Variants in PCDHA3 observed in about 807,000 individuals in gnomAD.
PCDHA3 encodes the protein protocadherin alpha 3.
PCDHA3 carries 41 observed loss-of-function variants against 62.2 expected under a neutral mutation model. The ratio of observed to expected loss-of-function variants is 0.66; its 90% CI spans 0.51 to 0.86. PCDHA3 has a LOEUF of 0.86. Ranked by LOEUF, PCDHA3 falls within the 40% of genes least tolerant of loss-of-function variation. PCDHA3 has a pLI of 0.00. For missense variants in PCDHA3, 1,304 were observed against 1,241.2 expected (o/e 1.05, Z -0.76); for synonymous variants, 640 against 555.4 (o/e 1.15, Z -2.14).
At chr5:140,985,104 AT>A (rs2097137151) in intron 3 of PCDHA3, among the ~76,000 whole-genome samples, 1 of 151,914 alleles carries the variant, frequency 6.6e-6, no homozygotes, top group African/African-American at 2.4e-5. Context: ...AGCCTGGCTA[AT>A]TTTTTGTGTT....
intron 1 of PCDHA3, among the ~76,000 whole-genome samples, chr5:140,970,860 C>T (rs2096438853): frequency 6.6e-6 from 1 of 152,054 alleles, no homozygotes; most frequent in Non-Finnish European, 1.5e-5. Context: ...AAGTTCCATT[C>T]CTGATTGAGA....
chr5:140,936,134 C>A (rs782197390), intron 1 of PCDHA3, among the ~76,000 whole-genome samples: 1 of 152,176 alleles, frequency 6.6e-6, no homozygotes, highest in Non-Finnish European at 1.5e-5. Context: ...CTTAAGTGAT[C>A]TGCCCGCCTT....
At chr5:140,915,572 C>A (rs2077180575) in intron 1 of PCDHA3, among the ~76,000 whole-genome samples, 1 of 151,988 alleles carries the variant, frequency 6.6e-6, no homozygotes, top group Non-Finnish European at 1.5e-5. Flanking sequence ...ATCTGGATTG[C>A]CAGGCAAAAG....
chr5:140,916,492 C>T (rs1310558218), intron 1 of PCDHA3, among the ~76,000 whole-genome samples: 2 of 152,170 alleles, frequency 1.3e-5, no homozygotes, highest in Admixed American at 6.5e-5. Context: ...GCTCTTTAGT[C>T]AGCAGGTGAT....
intron 1 of PCDHA3, among the ~76,000 whole-genome samples, chr5:140,886,770 G>A (rs1554182701): frequency 6.8e-6 from 1 of 146,884 alleles, no homozygotes; most frequent in Non-Finnish European, 1.5e-5. Context: ...AGGTTGCAGT[G>A]AGATGAGATC....
rs2150483101 is a variant in PCDHA3, at chr5:140,850,412, A to T, written c.2394+46821A>T. 3.6e-5 allele frequency: 57 copies of T among 1,597,620 alleles called. No homozygotes were observed. The South Asian group carries it at 6.3e-4, about 18-fold the overall frequency. On this transcript the variant is annotated intron_variant, in intron 1 of 3. Transcript: ENST00000522353. ...TCAGCACAACGCGTGCCCTGGACGA[A>T]ACGGACGCACCGCGCCAGCGCCTAC...
chr5:140,836,277 A>G (rs1774327794), intron 1 of PCDHA3: 1 of 1,613,670 alleles, frequency 6.2e-7, no homozygotes, highest in Non-Finnish European at 8.5e-7. Context: ...TGGTGAGATC[A>G]GCACGACACG....
intron 1 of PCDHA3, among the ~76,000 whole-genome samples, chr5:140,910,513 A>G (rs1293675976): frequency 2.0e-5 from 3 of 152,184 alleles, no homozygotes; most frequent in Non-Finnish European, 4.4e-5. Flanking sequence ...CTCTTCAAGG[A>G]TGCAGGTACT....
At chr5:140,960,299 A>G (rs246005) in intron 1 of PCDHA3, among the ~76,000 whole-genome samples, 1 of 151,808 alleles carries the variant, frequency 6.6e-6, no homozygotes. Flanking sequence ...TTTCTTCATC[A>G]ATACCAACCT....
At chr5:140,966,695 CGGGCGTGGGGCACGGCT>C (rs2096039584) in intron 1 of PCDHA3, 1 of 1,358,374 alleles carries the variant, frequency 7.4e-7, no homozygotes. Flanking sequence ...AGGCGGGGCC[CGGGCGTGGGGCACGGCT>C]GGGGAAGCTG....
At chr5:140,897,381 T>C (rs1258843270) in intron 1 of PCDHA3, among the ~76,000 whole-genome samples, 1 of 136,686 alleles carries the variant, frequency 7.3e-6, no homozygotes, top group Non-Finnish European at 1.5e-5. Flanking sequence ...CCCTTCCCCT[T>C]CCTGTGTCCA....
intron 3 of PCDHA3, among the ~76,000 whole-genome samples, chr5:140,985,932 G>A (rs1554247524): frequency 6.6e-6 from 1 of 151,798 alleles, no homozygotes; most frequent in African/African-American, 2.4e-5. Flanking sequence ...GTAGAGCCGG[G>A]GTTTCACTGT....
At chr5:140,962,077 G>T (rs2095655013) in intron 1 of PCDHA3, among the ~76,000 whole-genome samples, 1 of 151,866 alleles carries the variant, frequency 6.6e-6, no homozygotes, top group South Asian at 2.1e-4. Flanking sequence ...AGTAGAGACG[G>T]GGTTTCACCA....
intron 1 of PCDHA3, among the ~76,000 whole-genome samples, chr5:140,900,299 GAC>G (rs1372785177): frequency 6.6e-6 from 1 of 151,604 alleles, no homozygotes; most frequent in Non-Finnish European, 1.5e-5. Flanking sequence ...TGTTTTTTTA[GAC>G]AGTCTCACTT....
In PCDHA3 at chr5:140,808,546, G is replaced by A. The variant is rs1581694212; in HGVS notation, c.2394+4955G>A. 4 of 1,614,120 alleles carry A rather than the reference G, an allele frequency of 2.5e-6. No homozygotes were observed. In the African/African-American group the frequency reaches 4.0e-5, roughly 16 times the overall value. ...TGGCTGATGTGAACGACAACGCTCC[G>A]GCGTTCGCGCAGCCCGAGTACACAG... On this transcript the variant is annotated intron_variant, in intron 1 of 3. Transcript: ENST00000522353.
chr5:140,808,817 C>T, intron 1 of PCDHA3: 3 of 1,612,850 alleles, frequency 1.9e-6, no homozygotes, highest in Non-Finnish European at 1.7e-6. Context: ...CGGCGTGCCA[C>T]CTCTGGGCAG....
intron 1 of PCDHA3, chr5:140,804,934 T>A: frequency 1.7e-6 from 2 of 1,152,230 alleles, no homozygotes. Flanking sequence ...GCACTATCCT[T>A]TGTTGCTCCC....
At chr5:140,874,554 TTC>T (rs2054993631) in intron 1 of PCDHA3, among the ~76,000 whole-genome samples, 1 of 152,236 alleles carries the variant, frequency 6.6e-6, no homozygotes, top group African/African-American at 2.4e-5. Flanking sequence ...TAAGAGATCT[TTC>T]GCATTTTAGT....
intron 1 of PCDHA3, chr5:140,877,376 G>A: frequency 6.2e-7 from 1 of 1,614,014 alleles, no homozygotes; most frequent in Non-Finnish European, 8.5e-7. Context: ...AGCACGACAC[G>A]CATCCTGGAT....
Sources: gnomAD v4.1 joint callset for allele counts (sites outside exome capture counted in the v4.1 genomes callset) on GRCh38, gnomAD v4.1.1 for gene constraint, MANE v1.5 for transcripts, NCBI Gene and HGNC (gene_info 2026-07-23, HGNC 2026-07-21) for gene names.